The following CTNND2 variants were observed in gnomAD, a reference collection of about 807,000 sequenced individuals.
The protein encoded by CTNND2 is catenin delta-2.
Under a neutral mutation model 144.4 loss-of-function variants are expected in CTNND2, and 22 were observed. That is an observed-to-expected ratio of 0.15 (90% confidence interval 0.11 to 0.22). The LOEUF (loss-of-function observed/expected upper bound fraction) is 0.22. Among genes scored for constraint, CTNND2 ranks in the 10% least tolerant of loss-of-function variants. CTNND2 has a pLI of 1.00. For synonymous variants in CTNND2, 751 were observed against 695.6 expected (o/e 1.08, Z -1.25); for missense variants, 1,353 against 1,618.8 (o/e 0.84, Z 2.82).
intron 1 of CTNND2, among the ~76,000 whole-genome samples, chr5:11,788,567 T>C (rs1561797309): frequency 6.6e-6 from 1 of 152,322 alleles, no homozygotes. Flanking sequence ...AATTCTCACA[T>C]ACGTAGAAGT....
intron 1 of CTNND2, among the ~76,000 whole-genome samples, chr5:11,787,832 T>A (rs1173214196): frequency 1.3e-5 from 2 of 152,212 alleles, no homozygotes; most frequent in Non-Finnish European, 2.9e-5. Context: ...AATTTTTCTA[T>A]TCCCTAGTGA....
At chr5:11,830,432 AC>A (rs1156963069) in intron 1 of CTNND2, among the ~76,000 whole-genome samples, 2 of 152,242 alleles carry the variant, frequency 1.3e-5, no homozygotes, top group African/African-American at 4.8e-5. Flanking sequence ...TGTTTTCAGG[AC>A]AGTTAATAAG....
chr5:11,259,468 C>A (rs1183587387), intron 9 of CTNND2, among the ~76,000 whole-genome samples: 1 of 152,172 alleles, frequency 6.6e-6, no homozygotes, highest in Non-Finnish European at 1.5e-5. Context: ...CCCTGTGGGA[C>A]CATTACATGA....
intron 9 of CTNND2, among the ~76,000 whole-genome samples, chr5:11,238,658 T>C (rs1363538488): frequency 6.6e-6 from 1 of 152,224 alleles, no homozygotes; most frequent in African/African-American, 2.4e-5. Context: ...GAGCATTTTA[T>C]AAATTTACAT....
chr5:11,256,524 A>C (rs570312285), intron 9 of CTNND2, among the ~76,000 whole-genome samples: 1 of 152,370 alleles, frequency 6.6e-6, no homozygotes, highest in Non-Finnish European at 1.5e-5. Flanking sequence ...ACTTCTTTGC[A>C]TATAGTAGAT....
intron 3 of CTNND2, among the ~76,000 whole-genome samples, chr5:11,415,895 T>C (rs116170362): frequency 0.03 from 4,613 of 152,220 alleles, 93 homozygotes; most frequent in South Asian, 0.059. Flanking sequence ...CTCTCTCTCT[T>C]AAGCCCTGTG....
chr5:11,314,305 C>G (rs953151181), intron 9 of CTNND2, among the ~76,000 whole-genome samples: 22 of 152,108 alleles, frequency 1.4e-4, no homozygotes, highest in African/African-American at 4.3e-4. Context: ...TATCTGGATT[C>G]CTGTCTGCTC....
intron 2 of CTNND2, among the ~76,000 whole-genome samples, chr5:11,705,668 C>A (rs1192819522): frequency 3.9e-5 from 6 of 152,056 alleles, no homozygotes; most frequent in East Asian, 3.9e-4. Context: ...AGTGAACATC[C>A]CTTCAGGGAA....
intron 3 of CTNND2, among the ~76,000 whole-genome samples, chr5:11,470,954 G>GTATATATATATA (rs71595821): frequency 0.029 from 1,815 of 62,970 alleles, 87 homozygotes; most frequent in Non-Finnish European, 0.04. Context: ...TTGATACAAA[G>GTATATATATATA]TATATATATA....
intron 6 of CTNND2, 117 bp from the exon 7 acceptor site, chr5:11,385,346 G>T: frequency 1.6e-6 from 1 of 642,038 alleles, no homozygotes; most frequent in Non-Finnish European, 1.9e-6. Flanking sequence ...GCGCCCGGCG[G>T]CTCTGCGATC....
intron 1 of CTNND2, among the ~76,000 whole-genome samples, chr5:11,735,021 G>A (rs1273159810): frequency 6.6e-6 from 1 of 152,116 alleles, no homozygotes; most frequent in Non-Finnish European, 1.5e-5. Flanking sequence ...CACTGGAAAA[G>A]GAAATCTGTT....
At chr5:11,326,473 C>A (rs557692329) in intron 9 of CTNND2, among the ~76,000 whole-genome samples, 1 of 152,216 alleles carries the variant, frequency 6.6e-6, no homozygotes, top group African/African-American at 2.4e-5. Flanking sequence ...TGGCAGGACC[C>A]CTCACCCCTG....
intron 9 of CTNND2, among the ~76,000 whole-genome samples, chr5:11,287,731 G>A (rs545167933): frequency 6.6e-6 from 1 of 152,332 alleles, no homozygotes; most frequent in East Asian, 1.9e-4. Context: ...AATTCTGAGA[G>A]CTGCATTTAG....
intron 9 of CTNND2, among the ~76,000 whole-genome samples, chr5:11,321,885 C>A (rs923030600): frequency 6.6e-6 from 1 of 152,022 alleles, no homozygotes; most frequent in African/African-American, 2.4e-5. Context: ...TAAAGCTTAA[C>A]CCTATCTCCC....
intron 2 of CTNND2, among the ~76,000 whole-genome samples, chr5:11,713,273 T>C (rs1018729854): frequency 1.3e-5 from 2 of 152,158 alleles, no homozygotes; most frequent in Non-Finnish European, 2.9e-5. Flanking sequence ...AATTAGCACC[T>C]ACCTATATTA....
intron 2 of CTNND2, among the ~76,000 whole-genome samples, chr5:11,645,726 C>T (rs911489402): frequency 1.3e-5 from 2 of 152,002 alleles, no homozygotes; most frequent in Non-Finnish European, 2.9e-5. Flanking sequence ...ATAAAAATAT[C>T]TTGTCCTTAC....
At chr5:11,446,287 T>C (rs1764792992) in intron 3 of CTNND2, among the ~76,000 whole-genome samples, 1 of 152,200 alleles carries the variant, frequency 6.6e-6, no homozygotes, top group South Asian at 2.1e-4. Flanking sequence ...ATGCAAAATT[T>C]TAATGAAATC....
chr5:11,804,230 G>A (rs1435765716), intron 1 of CTNND2, among the ~76,000 whole-genome samples: 1 of 152,088 alleles, frequency 6.6e-6, no homozygotes, highest in Non-Finnish European at 1.5e-5. Context: ...AGCACAACAG[G>A]CCCTCTCATT....
intron 10 of CTNND2, among the ~76,000 whole-genome samples, chr5:11,219,527 A>C (rs1739558767): frequency 6.6e-6 from 1 of 152,192 alleles, no homozygotes; most frequent in Non-Finnish European, 1.5e-5. Flanking sequence ...ATCCCTGTGA[A>C]TATATGACCT....
Sources: gnomAD v4.1 joint callset for allele counts (sites outside exome capture counted in the v4.1 genomes callset) on GRCh38, gnomAD v4.1.1 for gene constraint, MANE v1.5 for transcripts, NCBI Gene and HGNC (gene_info 2026-07-23, HGNC 2026-07-21) for gene names.